NEXN: variants seen among roughly 807,000 people sequenced by gnomAD.
The protein encoded by NEXN is nexilin F-actin binding protein.
NEXN carries 65 observed loss-of-function variants against 92.6 expected under a neutral mutation model. The ratio of observed to expected loss-of-function variants is 0.70; its 90% confidence interval spans 0.57 to 0.86. The LOEUF (loss-of-function observed/expected upper bound fraction) is 0.86. Among genes scored for constraint, NEXN ranks in the 40% least tolerant of loss-of-function variants. The probability of loss-of-function intolerance (pLI) is 0.00; values close to 1 mark genes in which losing one functional copy is unlikely to be tolerated. For synonymous variants in NEXN, 254 were observed against 242.5 expected (o/e 1.05, Z -0.44); for missense variants, 778 against 771.1 (o/e 1.01, Z -0.11).
intron 1 of NEXN, among the ~76,000 whole-genome samples, chr1:77,915,235 C>T (rs747616603): frequency 2.0e-5 from 3 of 151,992 alleles, no homozygotes; most frequent in Non-Finnish European, 2.9e-5. Flanking sequence ...ATCGCTTGAG[C>T]CCAGGAGTTC....
chr1:77,892,596 A>G (rs1647133661), intron 1 of NEXN, among the ~76,000 whole-genome samples: 3 of 152,344 alleles, frequency 2.0e-5, no homozygotes, highest in African/African-American at 2.4e-5. Flanking sequence ...CTGATGCATC[A>G]TATGATGGAA....
chr1:77,941,972 CTT>C (rs752892797), intron 11 of NEXN, 49 bp from the exon 12 acceptor site: 23 of 1,565,970 alleles, frequency 1.5e-5, no homozygotes, highest in Non-Finnish European at 1.8e-5. Context: ...AGTAACGCTT[CTT>C]TGTTTTTAGA....
rs1193200803 is a variant in NEXN at position 77,942,047 on chromosome 1, G to A, written c.1498G>A (p.Ala500Thr). 2.5e-6 allele frequency: 4 copies of A among 1,613,112 alleles called. No individual in the cohort carries two copies. Among genetic ancestry groups the A allele is most frequent in the South Asian group, 1.1e-5 (1 of 90,948 alleles). ...GGAAGATGATGTTGATGTTAGGCCT[G>A]CAAGAAAAAGCGAGGCTCCATTTAC... ...HEEDDVDVRP[A>T]RKSEAPFTHK... is the part of the protein sequence containing the mutation. The change falls in exon 12 of 13, where the codon GCA becomes ACA. Residue 500 changes from alanine (A) to threonine (T), a missense_variant. By Grantham distance (58) the Ala-to-Thr change is moderately conservative. Around this residue, in one of 3 missense-constraint regions of NEXN, gnomAD observed 532 missense variants for 476.7 expected, o/e 1.12. Coordinates refer to ENST00000334785, the MANE Select transcript of NEXN (RefSeq NM_144573.4).
intron 11 of NEXN, among the ~76,000 whole-genome samples, chr1:77,940,180 T>C (rs556998975): frequency 6.6e-6 from 1 of 152,332 alleles, no homozygotes; most frequent in East Asian, 1.9e-4. Flanking sequence ...CTTAAACATG[T>C]ACCCCTCATT....
At chr1:77,919,580 TCA>T (rs1649254243) in intron 5 of NEXN, among the ~76,000 whole-genome samples, 1 of 141,180 alleles carries the variant, frequency 7.1e-6, no homozygotes, top group South Asian at 2.3e-4. Context: ...AGCAGGTCAG[TCA>T]TTTTTTTTTT....
chr1:77,896,170 C>CAGTAAATAAATAAATA (rs142050635), intron 1 of NEXN, among the ~76,000 whole-genome samples: 1 of 144,248 alleles, frequency 6.9e-6, no homozygotes, highest in African/African-American at 2.6e-5. Flanking sequence ...GACTTTGTCT[C>CAGTAAATAAATAAATA]AATAAATAAA....
chr1:77,926,701 A>T lies in NEXN; in HGVS notation c.688-15A>T. On this transcript the variant is annotated splice_polypyrimidine_tract_variant and intron_variant, in intron 7 of 12. Coordinates refer to ENST00000334785, the MANE Select transcript of NEXN (RefSeq NM_144573.4). ...CTTTATGACTAAAAGGTGGGTTTTC[A>T]TAACGTTTTCTTAGGATGATGAAAT... The T allele has an allele frequency of 6.2e-7, 1 of 1,613,820 alleles. No homozygotes were observed. Among genetic ancestry groups the T allele is most frequent in the East Asian group, 2.2e-5 (1 of 44,834 alleles).
At chr1:77,941,229 T>TAGAAACCAAAAGTCA (rs151020889) in intron 11 of NEXN, among the ~76,000 whole-genome samples, 9 of 151,960 alleles carry the variant, frequency 5.9e-5, no homozygotes, top group Non-Finnish European at 8.8e-5. Context: ...CCTAGGTAGT[T>TAGAAACCAAAAGTCA]AGAAACCAAA....
At chr1:77,907,097 T>C (rs537813599) in intron 1 of NEXN, among the ~76,000 whole-genome samples, 2 of 152,340 alleles carry the variant, frequency 1.3e-5, no homozygotes, top group African/African-American at 2.4e-5. Flanking sequence ...TCTTCATCAT[T>C]AATTTTATTC....
At chr1:77,906,701 G>T (rs1478822674) in intron 1 of NEXN, among the ~76,000 whole-genome samples, 1 of 152,006 alleles carries the variant, frequency 6.6e-6, no homozygotes, top group Non-Finnish European at 1.5e-5. Context: ...GTTGCCCAGG[G>T]TGTAGTGCAG....
At chr1:77,922,371 C>T (rs919056207) in intron 5 of NEXN, among the ~76,000 whole-genome samples, 2 of 151,884 alleles carry the variant, frequency 1.3e-5, no homozygotes, top group Non-Finnish European at 2.9e-5. Flanking sequence ...CCTCATGATC[C>T]GCCTGCCTCG....
intron 11 of NEXN, among the ~76,000 whole-genome samples, chr1:77,940,346 T>C (rs1367471122): frequency 1.3e-5 from 2 of 152,198 alleles, no homozygotes; most frequent in Non-Finnish European, 2.9e-5. Context: ...CAATGCCCTA[T>C]AAAGAATGTA....
At chr1:77,909,024 T>C (rs1006417260) in intron 1 of NEXN, among the ~76,000 whole-genome samples, 4 of 152,294 alleles carry the variant, frequency 2.6e-5, no homozygotes, top group Admixed American at 1.3e-4. Context: ...TCATAAATCT[T>C]GACAATCTAT....
At chr1:77,927,356 G>A (rs1031645246) in intron 8 of NEXN, among the ~76,000 whole-genome samples, 53 of 152,010 alleles carry the variant, frequency 3.5e-4, no homozygotes, top group African/African-American at 1.3e-3. Flanking sequence ...TTTATACATT[G>A]TTATTAATGT....
chr1:77,922,752 C>T (rs1381095196), intron 5 of NEXN, among the ~76,000 whole-genome samples: 3 of 151,842 alleles, frequency 2.0e-5, no homozygotes, highest in Admixed American at 6.6e-5. Flanking sequence ...CCTGCCACCA[C>T]GCCCGGCTAA....
At chr1:77,917,932 GCTCACAT>G (rs1391751302) in intron 3 of NEXN, 21 bp from the exon 4 acceptor site, 9 of 1,578,316 alleles carry the variant, frequency 5.7e-6, no homozygotes, top group Middle Eastern at 2.0e-4. Context: ...TTGGACATGT[GCTCACAT>G]TAATTTATTT....
chr1:77,942,394 ATTG>A (rs1651432885), intron 12 of NEXN, 64 bp from the exon 13 acceptor site: 4 of 1,556,868 alleles, frequency 2.6e-6, no homozygotes, highest in East Asian at 2.2e-5. Flanking sequence ...TCATTTCAAA[ATTG>A]TTACTAAATC....
chr1:77,938,345 A>C (rs974772702), intron 11 of NEXN, among the ~76,000 whole-genome samples: 1 of 152,148 alleles, frequency 6.6e-6, no homozygotes, highest in Non-Finnish European at 1.5e-5. Flanking sequence ...TGGATATAAT[A>C]AGCATTTAAG....
At chr1:77,903,186 G>A (rs1647849880) in intron 1 of NEXN, among the ~76,000 whole-genome samples, 1 of 151,544 alleles carries the variant, frequency 6.6e-6, no homozygotes, top group Non-Finnish European at 1.5e-5. Flanking sequence ...CTGGTTGAGG[G>A]CAGAAAGAAT....
Sources: gnomAD v4.1 joint callset for allele counts (sites outside exome capture counted in the v4.1 genomes callset) on GRCh38, gnomAD v4.1.1 for gene constraint, gnomAD v4.1.1 regional missense constraint, MANE v1.5 for transcripts, NCBI Gene and HGNC (gene_info 2026-07-23, HGNC 2026-07-21) for gene names.